Variants in SMAD5 observed in about 807,000 individuals in gnomAD.
The protein encoded by SMAD5 is SMAD family member 5, also known as MAD, mothers against decapentaplegic homolog 5.
A neutral mutation model predicts 43.1 loss-of-function variants in SMAD5; 9 were observed. The ratio of observed to expected loss-of-function variants is 0.21; its 90% confidence interval spans 0.13 to 0.36. SMAD5 has a LOEUF of 0.36. SMAD5 is among the 10% of genes least tolerant of loss of function. The probability of loss-of-function intolerance (pLI) is 1.00; values close to 1 mark genes in which losing one functional copy is unlikely to be tolerated. For synonymous variants in SMAD5, 190 were observed against 192.4 expected, an observed-to-expected ratio of 0.99 and a Z score of 0.10; for missense variants, 348 against 574.0, an observed-to-expected ratio of 0.61 and a Z score of 4.02.
At chr5:136,137,657 G>A (rs1752935186) in intron 1 of SMAD5, among the ~76,000 whole-genome samples, 1 of 152,092 alleles carries the variant, frequency 6.6e-6, no homozygotes, top group South Asian at 2.1e-4. Flanking sequence ...CAGGAAGAGG[G>A]GGGTTCTGCA....
In SMAD5 at chr5:136,157,307, G is replaced by C. The variant is rs1271071588; in HGVS notation, c.403+3144G>C. Among the ~76,000 whole-genome samples the C allele has an allele frequency of 3.3e-5, 5 of 152,252 alleles. No homozygotes were observed. In the South Asian group the frequency reaches 1.0e-3, roughly 32 times the overall value. ...ATAAGAAAAATAGAGGGCCAACCTAGGTGGTCCTAGGTGTTTAGTTGAATA... is the reference window on the plus strand; with the variant it reads ...ATAAGAAAAATAGAGGGCCAACCTACGTGGTCCTAGGTGTTTAGTTGAATA... On this transcript the variant is annotated intron_variant, in intron 3 of 7. Coordinates refer to ENST00000545279, the MANE Select transcript of SMAD5 (RefSeq NM_005903.7).
intron 1 of SMAD5, among the ~76,000 whole-genome samples, chr5:136,142,718 G>C (rs1311341750): frequency 1.3e-5 from 2 of 152,090 alleles, no homozygotes; most frequent in East Asian, 3.8e-4. Context: ...ATACCTTCCT[G>C]TCTGTTCAAT....
intron 1 of SMAD5, among the ~76,000 whole-genome samples, chr5:136,146,287 A>G (rs925466065): frequency 6.6e-6 from 1 of 151,882 alleles, no homozygotes; most frequent in African/African-American, 2.4e-5. Flanking sequence ...GTAATCTGTA[A>G]TGTGTAAAGA....
intron 5 of SMAD5, among the ~76,000 whole-genome samples, chr5:136,164,665 A>G (rs920579462): frequency 1.3e-5 from 2 of 151,898 alleles, no homozygotes; most frequent in Admixed American, 6.5e-5. Flanking sequence ...CAGTCTGTGG[A>G]TTTCTTTTCA....
chr5:136,172,891 T>C (rs1754278217), intron 6 of SMAD5: 2 of 508,550 alleles, frequency 3.9e-6, no homozygotes, highest in Admixed American at 6.6e-5. Flanking sequence ...ACTACCACTT[T>C]GTTTTTTGAG....
chr5:136,160,577 G>T (rs1209908676), intron 3 of SMAD5, among the ~76,000 whole-genome samples: 1 of 151,918 alleles, frequency 6.6e-6, no homozygotes, highest in East Asian at 1.9e-4. Context: ...CTGTTTTATG[G>T]TTGTTTTTTA....
Position 136,163,263 on chromosome 5 carries a change from T to C in SMAD5, c.656-9T>C, listed in dbSNP as rs1580788384. The C allele has an allele frequency of 6.3e-7, 1 of 1,575,414 alleles. No individual in the cohort carries two copies. Among genetic ancestry groups the C allele is most frequent in the Admixed American group, 1.8e-5 (1 of 54,226 alleles). The stretch of plus-strand genomic sequence containing the variant: ...TGAAGATTTTAATTATTATTTTTTT[T>C]CCTCTTAGCTGATACGCCTCCTCCT... On this transcript the variant is annotated splice_polypyrimidine_tract_variant and intron_variant, in intron 4 of 7. Coordinates refer to ENST00000545279, the MANE Select transcript of SMAD5 (RefSeq NM_005903.7).
At chr5:136,147,759 G>A (rs1753309670) in intron 1 of SMAD5, 73 bp from the exon 2 acceptor site, 2 of 151,772 alleles carry the variant, frequency 1.3e-5, no homozygotes, top group Admixed American at 1.3e-4. Context: ...ATAAATGTTA[G>A]TGGTTTATTA....
At chr5:136,136,507 C>T (rs1019390319) in intron 1 of SMAD5, among the ~76,000 whole-genome samples, 2 of 152,198 alleles carry the variant, frequency 1.3e-5, no homozygotes, top group Non-Finnish European at 2.9e-5. Flanking sequence ...AATCAGAAGT[C>T]TGAATCTGAG....
chr5:136,153,680 G>A lies in SMAD5; in HGVS notation c.-81G>A. On this transcript the variant is annotated 5_prime_UTR_variant, in exon 3 of 8. Transcript: ENST00000545279. ...ATTGGAACTTCTGCTTAGGACCTGT[G>A]TATGACGTTTCACCTGTGATCTGTT... 8.6e-7 allele frequency: 1 copy of A among 1,167,910 alleles called. No homozygotes were observed. The highest frequency in any genetic ancestry group is 1.2e-6 in the Non-Finnish European group (1 of 818,926). The allele number at this position is 1,167,910 out of a possible 1,614,324, so 72.3% of individuals were successfully genotyped here. A position where few individuals can be genotyped will look rare whatever the true frequency, so the allele number is the denominator to read the frequency against.
At chr5:136,158,385 T>C (rs13166063) in intron 3 of SMAD5, among the ~76,000 whole-genome samples, 54,267 of 152,036 alleles carry the variant, frequency 0.36, 10,576 homozygotes, top group African/African-American at 0.53. Flanking sequence ...AAAGTAGTGC[T>C]GTCAAAATTC....
At chr5:136,165,662 A>ATATTTTTTTTTTTTTTTTTTTTTTTT (rs1561653930) in intron 5 of SMAD5, among the ~76,000 whole-genome samples, 1 of 65,456 alleles carries the variant, frequency 1.5e-5, no homozygotes, top group African/African-American at 5.5e-5. Context: ...GAATCATACA[A>ATATTTTTTTTTTTTTTTTTTTTTTTT]TTTTTTTTTT....
chr5:136,176,024 A>G (rs1053337091), intron 7 of SMAD5, among the ~76,000 whole-genome samples: 1 of 152,208 alleles, frequency 6.6e-6, no homozygotes, highest in Non-Finnish European at 1.5e-5. Context: ...AGCTCAGTTC[A>G]TCCCAGTAAT....
chr5:136,177,617 A>G lies in SMAD5; in HGVS notation c.*137A>G. On this transcript the variant is annotated 3_prime_UTR_variant, in exon 8 of 8. Coordinates refer to ENST00000545279, the MANE Select transcript of SMAD5 (RefSeq NM_005903.7). ...TTTTCTACATAATTGTGACCAATAC[A>G]TTTGTATTTTGTGATGAATCTACAT... 1 of 637,120 alleles carries G rather than the reference A, an allele frequency of 1.6e-6. No individual in the cohort carries two copies. Among genetic ancestry groups the G allele is most frequent in the South Asian group, 2.2e-5 (1 of 45,180 alleles). The allele number at this position is 637,120 out of a possible 1,614,324, so 39.5% of individuals were successfully genotyped here.
chr5:136,173,912 C>G lies in SMAD5; in HGVS notation c.998-464C>G, dbSNP rs148884842. 6.4e-3 allele frequency among the ~76,000 whole-genome samples: 972 copies of G among 151,800 alleles called. 17 individuals carry two copies. Among genetic ancestry groups the G allele is most frequent in the African/African-American group, 0.022 (920 of 41,452 alleles). On this transcript the variant is annotated intron_variant, in intron 6 of 7. Coordinates refer to ENST00000545279, the MANE Select transcript of SMAD5 (RefSeq NM_005903.7). ...ATAAATCTGCCATTTCAAAGCTCTT[C>G]TTATGACCTGAAATTATATATGTAA...
rs2149785360 is a variant in SMAD5, at chr5:136,181,230, A to C, written c.*3750A>C. ...TATCCTTTTTACTTCATGAGGAAGG[A>C]AGAATTTTTTGATAATTACTGAGTT... is the stretch of plus-strand genomic sequence containing the variant. On this transcript the variant is annotated 3_prime_UTR_variant, in exon 8 of 8. Transcript: ENST00000545279. The C allele has an allele frequency of 6.6e-6, 1 of 152,270 alleles. No homozygotes were observed. The highest frequency in any genetic ancestry group is 1.9e-4 in the East Asian group (1 of 5,192). The allele number at this position is 152,270 out of a possible 1,614,324, so 9.4% of individuals were successfully genotyped here.
chr5:136,172,375 AT>A, intron 5 of SMAD5, 58 bp from the exon 6 acceptor site: 1 of 1,011,296 alleles, frequency 9.9e-7, no homozygotes, highest in Non-Finnish European at 1.5e-6. Context: ...AGATAAACAC[AT>A]GGACAATCTG....
chr5:136,157,004 C>T (rs1346012664), intron 3 of SMAD5, among the ~76,000 whole-genome samples: 1 of 152,020 alleles, frequency 6.6e-6, no homozygotes, highest in Non-Finnish European at 1.5e-5. Flanking sequence ...CTTCATATTA[C>T]CAGTATTAAT....
At chr5:136,149,673 G>T (rs1243110386) in intron 2 of SMAD5, among the ~76,000 whole-genome samples, 1 of 151,686 alleles carries the variant, frequency 6.6e-6, no homozygotes, top group Admixed American at 6.6e-5. Context: ...TAATTTTTAT[G>T]ATGAATTTTT....
Sources: allele counts gnomAD v4.1 joint callset (sites outside exome capture counted in the v4.1 genomes callset), GRCh38; gene constraint gnomAD v4.1.1; transcripts MANE v1.5; gene names NCBI Gene and HGNC (gene_info 2026-07-23, HGNC 2026-07-21).